PARD3: variants seen among roughly 807,000 people sequenced by gnomAD.
The protein encoded by PARD3 is partitioning defective 3 homolog.
Under a neutral mutation model 155.4 loss-of-function variants are expected in PARD3, and 75 were observed. The observed-to-expected ratio is 0.48, with a 90% CI of 0.40 to 0.58. The LOEUF (loss-of-function observed/expected upper bound fraction) is 0.58. PARD3 is among the 20% of genes least tolerant of loss of function. The pLI is 0.00. For synonymous variants in PARD3, 576 were observed against 610.5 expected (o/e 0.94, Z 0.83); for missense variants, 1,642 against 1,721.7 (o/e 0.95, Z 0.82).
chr10:34,731,281 T>A, intron 1 of PARD3, among the ~76,000 whole-genome samples: 1 of 152,320 alleles, frequency 6.6e-6, no homozygotes, highest in African/African-American at 2.4e-5. Context: ...TGTATTCTGA[T>A]ATGAGACCCT....
intron 22 of PARD3, among the ~76,000 whole-genome samples, chr10:34,154,833 G>C (rs1246811659): frequency 1.3e-5 from 2 of 152,120 alleles, no homozygotes; most frequent in Non-Finnish European, 2.9e-5. Flanking sequence ...GTTAATTTGG[G>C]AAGACTGATT....
intron 3 of PARD3, among the ~76,000 whole-genome samples, chr10:34,472,058 T>C (rs1436180115): frequency 6.6e-6 from 1 of 152,166 alleles, no homozygotes; most frequent in African/African-American, 2.4e-5. Context: ...TTAGAACTTA[T>C]CAGAGCAAAC....
intron 3 of PARD3, among the ~76,000 whole-genome samples, chr10:34,475,377 G>C (rs2078642358): frequency 6.6e-6 from 1 of 152,000 alleles, no homozygotes; most frequent in African/African-American, 2.4e-5. Flanking sequence ...AGTATATAAA[G>C]GAAAAACAGA....
chr10:34,763,283 T>C (rs1422742821), intron 1 of PARD3, among the ~76,000 whole-genome samples: 1 of 152,212 alleles, frequency 6.6e-6, no homozygotes, highest in Admixed American at 6.5e-5. Context: ...ACACAAAGTA[T>C]TTTTGCCCAG....
At chr10:34,280,729 C>T (rs777806164) in intron 21 of PARD3, among the ~76,000 whole-genome samples, 1 of 152,080 alleles carries the variant, frequency 6.6e-6, no homozygotes. Context: ...CTTGGTATTT[C>T]CCCAGTGACT....
At chr10:34,245,901 T>C (rs1953921475) in intron 22 of PARD3, among the ~76,000 whole-genome samples, 1 of 152,144 alleles carries the variant, frequency 6.6e-6, no homozygotes, top group African/African-American at 2.4e-5. Context: ...ACTACTACAG[T>C]GTCAATGGAA....
chr10:34,697,771 T>TCACACACA (rs145318885), intron 1 of PARD3, among the ~76,000 whole-genome samples: 6 of 150,312 alleles, frequency 4.0e-5, no homozygotes, highest in Admixed American at 2.0e-4. Context: ...AAACAAACAC[T>TCACACACA]CACACACACA....
At chr10:34,789,771 G>A (rs1294963142) in intron 1 of PARD3, among the ~76,000 whole-genome samples, 5 of 152,090 alleles carry the variant, frequency 3.3e-5, no homozygotes, top group Non-Finnish European at 2.9e-5. Context: ...AGAATGCAAA[G>A]AAATGAAAGA....
At chr10:34,439,833 G>A (rs77233109) in intron 5 of PARD3, among the ~76,000 whole-genome samples, 8,017 of 151,912 alleles carry the variant, frequency 0.053, 708 homozygotes, top group African/African-American at 0.18. Context: ...CAACCCTACC[G>A]CAATACCGTA....
intron 14 of PARD3, among the ~76,000 whole-genome samples, chr10:34,358,079 G>C (rs1839076786): frequency 1.3e-5 from 2 of 152,126 alleles, no homozygotes; most frequent in Non-Finnish European, 2.9e-5. Flanking sequence ...ATCTTAAAAT[G>C]TGGGAATCTG....
intron 2 of PARD3, among the ~76,000 whole-genome samples, chr10:34,620,591 A>G (rs990877939): frequency 3.3e-5 from 5 of 152,248 alleles, no homozygotes; most frequent in African/African-American, 1.2e-4. Context: ...ATGGAGCATT[A>G]CATCAACCTT....
intron 14 of PARD3, among the ~76,000 whole-genome samples, chr10:34,349,145 G>A (rs1837737033): frequency 6.6e-6 from 1 of 152,186 alleles, no homozygotes; most frequent in Non-Finnish European, 1.5e-5. Context: ...AGCACAGCGG[G>A]AGAGAAGGCG....
chr10:34,366,118 G>A (rs967750441), intron 12 of PARD3, among the ~76,000 whole-genome samples: 2 of 152,114 alleles, frequency 1.3e-5, no homozygotes, highest in Admixed American at 1.3e-4. Context: ...AACACTGCAT[G>A]GGGGAGGAGA....
At chr10:34,579,961 G>C (rs142087540) in intron 2 of PARD3, among the ~76,000 whole-genome samples, 28 of 151,704 alleles carry the variant, frequency 1.8e-4, no homozygotes, top group Admixed American at 9.8e-4. Flanking sequence ...TCCCAGGCTG[G>C]AGTGCAGTGG....
At chr10:34,353,912 T>C (rs1006192382) in intron 14 of PARD3, among the ~76,000 whole-genome samples, 1 of 151,436 alleles carries the variant, frequency 6.6e-6, no homozygotes, top group African/African-American at 2.4e-5. Flanking sequence ...CTTTAAACAA[T>C]GGGAAGCCAT....
At chr10:34,336,901 T>G (rs1235638905) in intron 17 of PARD3, among the ~76,000 whole-genome samples, 1 of 152,114 alleles carries the variant, frequency 6.6e-6, no homozygotes, top group East Asian at 1.9e-4. Context: ...CTCCAAAATT[T>G]TCTCTTCTAG....
intron 2 of PARD3, among the ~76,000 whole-genome samples, chr10:34,676,923 T>C (rs1486412379): frequency 6.6e-6 from 1 of 152,216 alleles, no homozygotes; most frequent in African/African-American, 2.4e-5. Context: ...ATTTCTGGTA[T>C]TACTTTCTGC....
intron 14 of PARD3, 41 bp from the exon 15 acceptor site, chr10:34,348,156 C>A: frequency 6.5e-7 from 1 of 1,545,100 alleles, no homozygotes; most frequent in South Asian, 1.2e-5. Flanking sequence ...AAATCAGTAC[C>A]TGGAGGCCAA....
At chr10:34,516,913 A>C in intron 3 of PARD3, 66 bp downstream of exon 3, 2 of 1,449,664 alleles carry the variant, frequency 1.4e-6, no homozygotes, top group South Asian at 2.4e-5. Context: ...GTCATGGATG[A>C]ATAACAAAAG....
Sources: gnomAD v4.1 joint callset for allele counts (sites outside exome capture counted in the v4.1 genomes callset) on GRCh38, gnomAD v4.1.1 for gene constraint, MANE v1.5 for transcripts, NCBI Gene and HGNC (gene_info 2026-07-23, HGNC 2026-07-21) for gene names.